Variants in EEF2 observed in about 807,000 individuals in gnomAD.
EEF2 encodes the protein elongation factor 2.
In EEF2, 21 loss-of-function variants were observed where a neutral mutation model predicts 85.3. That is an observed-to-expected ratio of 0.25 (90% CI 0.17 to 0.35). EEF2 has a LOEUF of 0.35. EEF2 is among the 10% of genes least tolerant of loss of function. The pLI is 1.00. For missense variants in EEF2, 825 were observed against 1,225.3 expected (o/e 0.67, Z 4.88); for synonymous variants, 723 against 508.8 (o/e 1.42, Z -5.67).
In EEF2 at chr19:3,976,520, T is replaced by G; in HGVS notation, c.*34A>C. 3.2e-6 allele frequency: 5 copies of G among 1,571,180 alleles called. No homozygotes were observed. The highest frequency in any genetic ancestry group is 4.3e-6 in the Non-Finnish European group (5 of 1,158,036). ...GACGTGGTGCTGTGGGTGCTGCGAGTCCCCGGGGCGGCAGGCGCTGCAGGA... is the reference window on the plus strand; with the variant it reads ...GACGTGGTGCTGTGGGTGCTGCGAGGCCCCGGGGCGGCAGGCGCTGCAGGA... On this transcript the variant is annotated 3_prime_UTR_variant, in exon 15 of 15. Transcript: ENST00000309311.
At position 3,980,999 on chromosome 19, in the gene EEF2, T is replaced by C. The variant is rs992506762; in HGVS notation, c.1012-20A>G. The C allele has an allele frequency of 1.9e-6, 3 of 1,561,810 alleles. No individual in the cohort carries two copies. The highest frequency in any genetic ancestry group is 1.7e-6 in the Non-Finnish European group (2 of 1,155,532). ...CACAGCCTGCGGGGGCAGAGAGCGG[T>C]GCATGAGACACCTGGGGAGCCCAGG... On this transcript the variant is annotated intron_variant, in intron 7 of 14. Coordinates refer to ENST00000309311, the MANE Select transcript of EEF2 (RefSeq NM_001961.4).
At chr19:3,980,447 C>G in intron 9 of EEF2, 67 bp downstream of exon 9, 1 of 1,533,638 alleles carries the variant, frequency 6.5e-7, no homozygotes, top group Non-Finnish European at 8.8e-7. Flanking sequence ...ACTGAGGAGC[C>G]CAAGACTTGG....
intron 10 of EEF2, 134 bp downstream of exon 10, chr19:3,979,674 C>T: frequency 7.2e-7 from 1 of 1,383,916 alleles, no homozygotes; most frequent in African/African-American, 1.4e-5. Context: ...CATTTACAGC[C>T]ACAGCCAAGA....
rs780895045 is a variant in EEF2, at chr19:3,980,530, G to A, written c.1330C>T (p.Leu444=). ...GCTGCTCACCTCTGGATTGGCTTCA[G>A]GTAGAGGTCCTCCTTCTTCCCAGGG... ...YTPGKKEDLY[L]KPIQRTILMM... Residue 444 remains leucine, a synonymous_variant, in exon 9 of 15, where the codon CTG becomes TTG. Coordinates refer to ENST00000309311, the MANE Select transcript of EEF2 (RefSeq NM_001961.4). The A allele has an allele frequency of 6.2e-7, 1 of 1,613,818 alleles. No individual in the cohort carries two copies. The highest frequency in any genetic ancestry group is 1.1e-5 in the South Asian group (1 of 91,078).
chr19:3,978,472 G>A (rs894835821), intron 11 of EEF2, among the ~76,000 whole-genome samples: 14 of 152,182 alleles, frequency 9.2e-5, no homozygotes, highest in African/African-American at 3.4e-4. Context: ...CAGAGCATTT[G>A]TGTTGTTTGT....
intron 6 of EEF2, among the ~76,000 whole-genome samples, chr19:3,981,663 G>A (rs550169181): frequency 1.1e-3 from 166 of 152,230 alleles, no homozygotes; most frequent in Non-Finnish European, 1.9e-3. Context: ...AGCCCACTCT[G>A]ACTCAGACAA....
intron 2 of EEF2, 178 bp downstream of exon 2, chr19:3,983,958 G>T: frequency 1.5e-6 from 1 of 675,072 alleles, no homozygotes; most frequent in Non-Finnish European, 2.5e-6. Flanking sequence ...GCAGTACCCC[G>T]AATCCCTGTG....
In EEF2 at chr19:3,981,931, C is replaced by T. The variant is rs752674492; in HGVS notation, c.897+16G>A. On this transcript the variant is annotated intron_variant, in intron 6 of 14. Transcript: ENST00000309311. ...ATAGTCGCATCGGCGGGGTGCCTGG[C>T]GCAGCCCTCACTCACCTTGAAGATG... The T allele has an allele frequency of 3.1e-6, 5 of 1,611,090 alleles. No homozygotes were observed. Among genetic ancestry groups the T allele is most frequent in the Non-Finnish European group, 4.2e-6 (5 of 1,178,228 alleles).
At chr19:3,978,816 A>ATAAATC (rs199882287) in intron 11 of EEF2, among the ~76,000 whole-genome samples, 1 of 125,852 alleles carries the variant, frequency 7.9e-6, no homozygotes, top group Non-Finnish European at 1.6e-5. Flanking sequence ...AAAAAAAAAA[A>ATAAATC]AAAAAAAAAA....
intron 6 of EEF2, 111 bp downstream of exon 6, chr19:3,981,836 T>C (rs2039752265): frequency 2.1e-6 from 2 of 965,504 alleles, no homozygotes; most frequent in Non-Finnish European, 3.2e-6. Flanking sequence ...CCATCTCGCA[T>C]CTGCCCCACA....
chr19:3,982,651 G>C (rs1475934236), intron 4 of EEF2, 156 bp downstream of exon 4: 1 of 1,106,706 alleles, frequency 9.0e-7, no homozygotes. Context: ...TCAAGGGCTG[G>C]GTCAAGTCGG....
intron 4 of EEF2, 59 bp downstream of exon 4, chr19:3,982,748 C>A: frequency 6.5e-7 from 1 of 1,546,566 alleles, no homozygotes; most frequent in Non-Finnish European, 8.7e-7. Context: ...CTCCACTCCC[C>A]ACCGGCTCCT....
chr19:3,983,911 G>A (rs1052743369), intron 2 of EEF2: 37 of 571,948 alleles, frequency 6.5e-5, no homozygotes, highest in East Asian at 3.3e-4. Context: ...GGAGAACCAC[G>A]GAGTTAAGCC....
In EEF2 at chr19:3,980,042, G is replaced by A. The variant is rs764952218; in HGVS notation, c.1371C>T (p.Tyr457=). Residue 457 remains tyrosine (Y), a synonymous_variant, in exon 10 of 15, where the codon TAC becomes TAT. Coordinates refer to ENST00000309311, the MANE Select transcript of EEF2 (RefSeq NM_001961.4). The part of the protein sequence containing the change: ...IQRTILMMGR[Y]VEPIEDVPCG... ...AAGGCACATCCTCGATGGGCTCCAC[G>A]TAGCGGCCCATCATCAAGATTGTTC... 33 of 1,613,278 alleles carry A rather than the reference G, an allele frequency of 2.0e-5. No homozygotes were observed. The highest frequency in any genetic ancestry group is 2.7e-5 in the African/African-American group (2 of 74,954).
chr19:3,982,243 C>T lies in EEF2; in HGVS notation c.791+3G>A, dbSNP rs112144519. ...ATCCCCCACCATATCCCGCGGGGCT[C>T]ACCTGTCACCCCACAGCTTCTTCAT... is the stretch of plus-strand genomic sequence containing the variant. On this transcript the variant is annotated splice_donor_region_variant and intron_variant, in intron 5 of 14. Transcript: ENST00000309311. 36 of 1,613,752 alleles carry T rather than the reference C, an allele frequency of 2.2e-5. No homozygotes were observed. The highest frequency in any genetic ancestry group is 1.6e-4 in the Middle Eastern group (1 of 6,080).
chr19:3,982,365 G>A lies in EEF2; in HGVS notation c.672C>T (p.Thr224=), dbSNP rs923681879. 2.5e-6 allele frequency: 4 copies of A among 1,614,150 alleles called. No homozygotes were observed. The highest frequency in any genetic ancestry group is 1.7e-6 in the Non-Finnish European group (2 of 1,180,034). ...CATACATCTCGGCAAACTGCTTCAG[G>A]GTGAAGGCCCACCCGTGGAGGCCAG... ...FGSGLHGWAF[T]LKQFAEMYVA... The change falls in exon 5 of 15, where the codon ACC becomes ACT. Residue 224 remains threonine (T), a synonymous_variant. Transcript: ENST00000309311.
chr19:3,981,788 A>G (rs530114671), intron 6 of EEF2, among the ~76,000 whole-genome samples, 159 bp downstream of exon 6: 1 of 152,350 alleles, frequency 6.6e-6, no homozygotes, highest in South Asian at 2.1e-4. Context: ...TTAAGAGAGG[A>G]GCCCTGACTC....
intron 4 of EEF2, 185 bp downstream of exon 4, chr19:3,982,622 T>C: frequency 9.5e-7 from 1 of 1,056,292 alleles, no homozygotes; most frequent in East Asian, 2.4e-5. Flanking sequence ...TGAGCTCGTC[T>C]CTTCCAGCTG....
intron 7 of EEF2, 57 bp from the exon 8 acceptor site, chr19:3,981,036 C>T (rs758715777): frequency 1.3e-6 from 2 of 1,530,168 alleles, no homozygotes; most frequent in South Asian, 2.4e-5. Flanking sequence ...TGGCCCCACC[C>T]CGTACACGCT....
Sources: gnomAD v4.1 joint callset for allele counts (sites outside exome capture counted in the v4.1 genomes callset) on GRCh38, gnomAD v4.1.1 for gene constraint, MANE v1.5 for transcripts, NCBI Gene and HGNC (gene_info 2026-07-23, HGNC 2026-07-21) for gene names.